The following IQCK variants were observed in gnomAD, a reference collection of about 807,000 sequenced individuals.
IQCK encodes IQ motif containing K.
Under a neutral mutation model 28.1 loss-of-function variants are expected in IQCK, and 29 were observed. The ratio of observed to expected loss-of-function variants is 1.03; its 90% CI spans 0.77 to 1.41. IQCK has a LOEUF of 1.41. IQCK is among the 40% of genes most tolerant of loss of function. The pLI is 0.00. For missense variants in IQCK, 359 were observed against 314.7 expected (o/e 1.14, Z -1.07); for synonymous variants, 113 against 115.1 (o/e 0.98, Z 0.12).
At chr16:19,828,966 ATAAATATATAATTATATATATAAT>A (rs2056191881), downstream of IQCK, among the ~76,000 whole-genome samples, 1 of 144,124 alleles carries the variant, frequency 6.9e-6, no homozygotes, top group Non-Finnish European at 1.5e-5. Context: ...TAAATTATAT[ATAAATATATAATTATATATATAAT>A]TAAATATATA....
intron 6 of IQCK, among the ~76,000 whole-genome samples, chr16:19,784,515 G>A (rs905923853): frequency 1.3e-5 from 2 of 152,180 alleles, no homozygotes; most frequent in East Asian, 1.9e-4. Flanking sequence ...TGGGCAGAGA[G>A]GCAACTACTC....
intron 1 of IQCK, 94 bp downstream of exon 1, chr16:19,718,581 G>C: frequency 8.5e-7 from 1 of 1,170,928 alleles, no homozygotes; most frequent in Non-Finnish European, 1.1e-6. Context: ...GTCGGCTGAC[G>C]GGCGGGGCCG....
intron 7 of IQCK, among the ~76,000 whole-genome samples, chr16:19,816,058 T>C (rs1318254863): frequency 6.6e-6 from 1 of 152,176 alleles, no homozygotes; most frequent in Non-Finnish European, 1.5e-5. Context: ...TTCCCCAGCT[T>C]CTTTCCAGCA....
chr16:19,853,493 C>T (rs139352611), intron 9 of IQCK, among the ~76,000 whole-genome samples: 1 of 152,334 alleles, frequency 6.6e-6, no homozygotes, highest in African/African-American at 2.4e-5. Context: ...ACCAGGACAA[C>T]AGCTTGCAGG....
chr16:19,792,563 G>A (rs1041563958), intron 7 of IQCK, among the ~76,000 whole-genome samples: 4 of 111,836 alleles, frequency 3.6e-5, no homozygotes, highest in Admixed American at 7.7e-5. Context: ...TATGTATACT[G>A]AACACCTTTT....
At chr16:19,785,308 CT>C (rs2055547694) in intron 6 of IQCK, among the ~76,000 whole-genome samples, 1 of 152,136 alleles carries the variant, frequency 6.6e-6, no homozygotes, top group South Asian at 2.1e-4. Flanking sequence ...CAGGGTGCCC[CT>C]GGCTAGGGGT....
intron 6 of IQCK, among the ~76,000 whole-genome samples, chr16:19,775,893 T>G (rs2055386882): frequency 7.1e-6 from 1 of 141,304 alleles, no homozygotes; most frequent in African/African-American, 2.6e-5. Flanking sequence ...TTTTTTTTTT[T>G]TTTTTTGAGA....
At chr16:19,736,219 A>G in intron 4 of IQCK, 1 of 450,522 alleles carries the variant, frequency 2.2e-6, no homozygotes, top group Non-Finnish European at 4.4e-6. Context: ...TAACATTAAC[A>G]TCACACTGCA....
intron 9 of IQCK, among the ~76,000 whole-genome samples, chr16:19,848,035 G>C (rs1193771799): frequency 6.6e-6 from 1 of 152,172 alleles, no homozygotes; most frequent in Non-Finnish European, 1.5e-5. Flanking sequence ...TTCAGCTGTG[G>C]ATTTGGAGTT....
At chr16:19,849,463 T>G (rs2056453772) in intron 9 of IQCK, among the ~76,000 whole-genome samples, 1 of 152,062 alleles carries the variant, frequency 6.6e-6, no homozygotes, top group South Asian at 2.1e-4. Context: ...ACTTTTTTTT[T>G]TCTTTAGAAA....
intron 4 of IQCK, among the ~76,000 whole-genome samples, chr16:19,746,950 A>G (rs780705135): frequency 2.0e-5 from 3 of 152,208 alleles, no homozygotes; most frequent in Non-Finnish European, 4.4e-5. Flanking sequence ...CTTTTTTGCC[A>G]TATAATAAAC....
At chr16:19,764,550 T>C (rs189507311) in intron 6 of IQCK, among the ~76,000 whole-genome samples, 9 of 152,300 alleles carry the variant, frequency 5.9e-5, no homozygotes, top group South Asian at 4.1e-4. Flanking sequence ...ATTTGACCAT[T>C]CTAATATGGG....
rs1272757615 is a variant in IQCK at position 19,779,058 on chromosome 16, C to T, written c.606-9780C>T. Among the ~76,000 whole-genome samples the T allele has an allele frequency of 2.6e-5, 4 of 152,172 alleles. No homozygotes were observed. In the East Asian group the frequency reaches 7.7e-4, roughly 29 times the overall value. On this transcript the variant is annotated intron_variant, in intron 6 of 7. Coordinates refer to ENST00000564186, the Ensembl canonical transcript of IQCK. ...AGTGCAGTGGTGCGATCATAGCTCA[C>T]TGCAGCCTCGAACTCCTGCCCTCAA...
intron 6 of IQCK, among the ~76,000 whole-genome samples, chr16:19,778,021 C>G (rs1241464570): frequency 1.3e-5 from 2 of 152,086 alleles, no homozygotes; most frequent in Non-Finnish European, 2.9e-5. Flanking sequence ...CCATTGCACT[C>G]CAGCCCGGGT....
intron 7 of IQCK, among the ~76,000 whole-genome samples, chr16:19,818,829 A>G (rs1296914541): frequency 6.6e-6 from 1 of 152,202 alleles, no homozygotes; most frequent in African/African-American, 2.4e-5. Flanking sequence ...GGTTTTCTTA[A>G]AACAAGTAAG....
chr16:19,836,200 T>G (rs2056294710), intron 9 of IQCK, among the ~76,000 whole-genome samples: 1 of 152,190 alleles, frequency 6.6e-6, no homozygotes, highest in Non-Finnish European at 1.5e-5. Flanking sequence ...TTTTCATTTT[T>G]TTCTTTCATA....
Position 19,718,487 on chromosome 16 carries a change from G to A in IQCK, c.181G>A (p.Glu61Lys), listed in dbSNP as rs367874345. 6 of 1,601,960 alleles carry A rather than the reference G, an allele frequency of 3.7e-6. No homozygotes were observed. The African/African-American group carries it at 5.4e-5, about 14-fold the overall frequency. The stretch of plus-strand genomic sequence containing the variant: ...GAATCTGTGGGAGCAGATCTGCAAG[G>A]GTAGGAAACCTGGGCTGGCCGAGAG... The change falls in exon 1 of 8, where the codon GAG (glutamate) becomes AAG (lysine). Residue 61 changes from glutamate (E) to lysine (K), a missense_variant and splice_region_variant. Glu to Lys is a moderately conservative substitution (Grantham distance 56). Transcript: ENST00000564186.
intron 4 of IQCK, among the ~76,000 whole-genome samples, chr16:19,741,521 GGC>G (rs1260628486): frequency 2.0e-5 from 3 of 152,146 alleles, no homozygotes; most frequent in Non-Finnish European, 4.4e-5. Context: ...AGATTAATGA[GGC>G]ATCCTTGTGC....
intron 7 of IQCK, among the ~76,000 whole-genome samples, chr16:19,806,410 G>A (rs1245699019): frequency 6.6e-6 from 1 of 151,932 alleles, no homozygotes; most frequent in Non-Finnish European, 1.5e-5. Flanking sequence ...GTGAGGCCAG[G>A]CTCAGTGGCT....
Sources: allele counts gnomAD v4.1 joint callset (sites outside exome capture counted in the v4.1 genomes callset), GRCh38; gene constraint gnomAD v4.1.1; transcripts MANE v1.5; gene names NCBI Gene and HGNC (gene_info 2026-07-23, HGNC 2026-07-21).